ITGA9: variants seen among roughly 807,000 people sequenced by gnomAD.
ITGA9 encodes integrin subunit alpha 9, also known as integrin alpha-9.
In ITGA9, 56 loss-of-function variants were observed where a neutral mutation model predicts 127.8. That is an observed-to-expected ratio of 0.44 (90% confidence interval 0.35 to 0.55). The LOEUF is 0.55. Among genes scored for constraint, ITGA9 ranks in the 20% least tolerant of loss-of-function variants. The probability of loss-of-function intolerance (pLI) is 0.00; values close to 1 mark genes in which losing one functional copy is unlikely to be tolerated. For synonymous variants in ITGA9, 508 were observed against 514.5 expected (o/e 0.99, Z 0.17); for missense variants, 1,196 against 1,347.1 (o/e 0.89, Z 1.76).
At chr3:37,501,978 A>G (rs1183347943) in intron 5 of ITGA9, among the ~76,000 whole-genome samples, 1 of 152,118 alleles carries the variant, frequency 6.6e-6, no homozygotes, top group African/African-American at 2.4e-5. Context: ...AAGGAAATAA[A>G]CTTTGGGAGT....
intron 14 of ITGA9, among the ~76,000 whole-genome samples, chr3:37,537,181 A>T (rs796813594): frequency 6.6e-6 from 1 of 152,196 alleles, no homozygotes; most frequent in African/African-American, 2.4e-5. Flanking sequence ...GGTGCTGCTG[A>T]TCTCTCTGAG....
At chr3:37,786,020 G>C (rs1266492640) in intron 26 of ITGA9, among the ~76,000 whole-genome samples, 1 of 51,892 alleles carries the variant, frequency 1.9e-5, no homozygotes, top group Non-Finnish European at 4.1e-5. Flanking sequence ...CAGGGGGGTT[G>C]AGGGGGGTTG....
chr3:37,631,717 A>G (rs896333632), intron 16 of ITGA9, among the ~76,000 whole-genome samples: 1 of 152,206 alleles, frequency 6.6e-6, no homozygotes, highest in Non-Finnish European at 1.5e-5. Flanking sequence ...GCCAACAGTT[A>G]CAGAGGGGGC....
chr3:37,606,622 C>G (rs890249170), intron 15 of ITGA9, among the ~76,000 whole-genome samples: 1 of 152,176 alleles, frequency 6.6e-6, no homozygotes, highest in East Asian at 1.9e-4. Flanking sequence ...GTGGTGCATA[C>G]TTTGTGTTGG....
At chr3:37,536,954 G>GCATCAC (rs1471145011) in intron 14 of ITGA9, among the ~76,000 whole-genome samples, 1 of 152,240 alleles carries the variant, frequency 6.6e-6, no homozygotes, top group Non-Finnish European at 1.5e-5. Flanking sequence ...AGCTGCATTA[G>GCATCAC]CATCACCTGG....
intron 15 of ITGA9, chr3:37,585,737 A>G: frequency 2.1e-6 from 1 of 482,556 alleles, no homozygotes; most frequent in Non-Finnish European, 4.2e-6. Flanking sequence ...GGTGGTGAAC[A>G]CTAATATGCC....
intron 17 of ITGA9, among the ~76,000 whole-genome samples, chr3:37,656,953 GT>G (rs930121494): frequency 5.3e-5 from 8 of 150,412 alleles, no homozygotes; most frequent in Non-Finnish European, 1.0e-4. Context: ...ATAATCATGT[GT>G]TTTTTTTTCA....
At chr3:37,490,513 A>C (rs1698658796) in intron 4 of ITGA9, among the ~76,000 whole-genome samples, 1 of 152,242 alleles carries the variant, frequency 6.6e-6, no homozygotes, top group Non-Finnish European at 1.5e-5. Flanking sequence ...GAACTTTCTC[A>C]AATGGGTAAT....
chr3:37,741,831 G>C lies in ITGA9; in HGVS notation c.2324+12G>C. ...ACGTCCATCACCGGGTGAGTAGCCTGGTCCTGGGTTGCCACAACACAGGAG... is the reference window on the plus strand; with the variant it reads ...ACGTCCATCACCGGGTGAGTAGCCTCGTCCTGGGTTGCCACAACACAGGAG... On this transcript the variant is annotated intron_variant, in intron 21 of 27. Transcript: ENST00000264741. 6.2e-7 allele frequency: 1 copy of C among 1,608,196 alleles called. No individual in the cohort carries two copies. The highest frequency in any genetic ancestry group is 8.5e-7 in the Non-Finnish European group (1 of 1,176,072).
In ITGA9 at chr3:37,534,627, G is replaced by A. The variant is rs553141526; in HGVS notation, c.1528+1159G>A. On this transcript the variant is annotated intron_variant, in intron 14 of 27. Coordinates refer to ENST00000264741, the MANE Select transcript of ITGA9 (RefSeq NM_002207.3). ...CATTGGCAATTTCTCTTGATCTTCAGGTATATTGAATAAGCTCAACTATTA... is the reference window on the plus strand; with the variant it reads ...CATTGGCAATTTCTCTTGATCTTCAAGTATATTGAATAAGCTCAACTATTA... Among the ~76,000 whole-genome samples, 3 of 152,242 alleles carry A rather than the reference G, an allele frequency of 2.0e-5. No homozygotes were observed. In the South Asian group the frequency reaches 6.2e-4, roughly 32 times the overall value.
chr3:37,584,866 A>G (rs1340586440), intron 15 of ITGA9, among the ~76,000 whole-genome samples: 1 of 152,136 alleles, frequency 6.6e-6, no homozygotes, highest in Non-Finnish European at 1.5e-5. Context: ...CTTAGTGGCT[A>G]TGTTGGCTAT....
At position 37,533,484 on chromosome 3, in the gene ITGA9, G is replaced by A; in HGVS notation, c.1528+16G>A. ...GGAGAGATTGGTAATGAGCCACCAA[G>A]TCAGGGCTCAGGATACCCGTTTAGC... On this transcript the variant is annotated intron_variant, in intron 14 of 27. Transcript: ENST00000264741. 1.9e-6 allele frequency: 3 copies of A among 1,613,380 alleles called. No individual in the cohort carries two copies. Among genetic ancestry groups the A allele is most frequent in the South Asian group, 2.2e-5 (2 of 91,014 alleles).
intron 3 of ITGA9, among the ~76,000 whole-genome samples, chr3:37,481,027 C>G (rs982525763): frequency 1.3e-5 from 2 of 152,190 alleles, no homozygotes; most frequent in African/African-American, 4.8e-5. Context: ...GATCTTATCT[C>G]CTTCCCACCA....
intron 15 of ITGA9, among the ~76,000 whole-genome samples, chr3:37,618,816 C>A (rs1187592233): frequency 2.0e-5 from 3 of 152,194 alleles, no homozygotes; most frequent in Non-Finnish European, 4.4e-5. Context: ...TGGAAAAGCG[C>A]AGTATTAGGG....
chr3:37,591,807 GC>G (rs1699823525), intron 15 of ITGA9, among the ~76,000 whole-genome samples: 1 of 152,206 alleles, frequency 6.6e-6, no homozygotes, highest in Admixed American at 6.5e-5. Context: ...GGCCTTGAGG[GC>G]CATGTTTCTA....
rs1010957110 is a variant in ITGA9, at chr3:37,814,261, G to A, written c.3010-4630G>A. 1.3e-5 allele frequency among the ~76,000 whole-genome samples: 2 copies of A among 152,236 alleles called. No individual in the cohort carries two copies. Among genetic ancestry groups the A allele is most frequent in the African/African-American group, 2.4e-5 (1 of 41,554 alleles). On this transcript the variant is annotated intron_variant, in intron 27 of 27. Transcript: ENST00000264741. This position sits in a 1 kb window ranked among gnomAD's most constrained non-coding sequence, Gnocchi z 4.3. ...GGCAGAGACGAAGACACTATGGCTC[G>A]AAGCCAGAAAATAACCTTCCCAGGC...
chr3:37,793,672 G>A (rs1379667760), intron 26 of ITGA9, among the ~76,000 whole-genome samples: 1 of 152,122 alleles, frequency 6.6e-6, no homozygotes, highest in East Asian at 1.9e-4. Context: ...TATTTAGGGA[G>A]ATGCTCCTAA....
At chr3:37,672,056 C>T (rs915268713) in intron 17 of ITGA9, among the ~76,000 whole-genome samples, 1 of 152,010 alleles carries the variant, frequency 6.6e-6, no homozygotes, top group African/African-American at 2.4e-5. Context: ...CAGATAGATG[C>T]TAGTGGAAGT....
At chr3:37,553,702 C>G (rs1012302235) in intron 15 of ITGA9, among the ~76,000 whole-genome samples, 1 of 152,214 alleles carries the variant, frequency 6.6e-6, no homozygotes, top group African/African-American at 2.4e-5. Flanking sequence ...CTCCTCTGCT[C>G]CTGGGAGCAC....
Sources: allele counts gnomAD v4.1 joint callset (sites outside exome capture counted in the v4.1 genomes callset), GRCh38; gene constraint gnomAD v4.1.1; non-coding constraint Gnocchi (gnomAD v3.1); transcripts MANE v1.5; gene names NCBI Gene and HGNC (gene_info 2026-07-23, HGNC 2026-07-21).